Variants in DNAH9 observed in about 807,000 individuals in gnomAD.
DNAH9 encodes DNAH9 variant protein.
Under a neutral mutation model 471.6 loss-of-function variants are expected in DNAH9, and 345 were observed. The ratio of observed to expected loss-of-function variants is 0.73; its 90% CI spans 0.67 to 0.80. The LOEUF is 0.80. DNAH9 is among the 30% of genes least tolerant of loss of function. DNAH9 has a pLI of 0.00. For missense variants in DNAH9, 5,407 were observed against 5,609.2 expected, an observed-to-expected ratio of 0.96 and a Z score of 1.15; for synonymous variants, 2,093 against 2,123.6, an observed-to-expected ratio of 0.99 and a Z score of 0.40.
Position 11,793,677 on chromosome 17 carries a change from C to T in DNAH9, c.8223+13C>T. On this transcript the variant is annotated intron_variant, in intron 42 of 68. Transcript: ENST00000262442. ...GAAAACTTTTGATGTGAGTATTGCC[C>T]TATGGATTTTCTTTGTATTTGAAAA... is the stretch of plus-strand genomic sequence containing the variant. 2 of 1,567,226 alleles carry T rather than the reference C, an allele frequency of 1.3e-6. No individual in the cohort carries two copies. Among genetic ancestry groups the T allele is most frequent in the Non-Finnish European group, 1.7e-6 (2 of 1,158,498 alleles).
chr17:11,689,432 T>C lies in DNAH9; in HGVS notation c.3744-134T>C, dbSNP rs2074295306. On this transcript the variant is annotated intron_variant, in intron 19 of 68. Transcript: ENST00000262442. ...ACATTATTTGCTTTCGTGAAAAGAA[T>C]GTTTTTGGTGAAAGCCACTGCTCTT... is the stretch of plus-strand genomic sequence containing the variant. 11 of 748,326 alleles carry C rather than the reference T, an allele frequency of 1.5e-5. No homozygotes were observed. The South Asian group carries it at 1.8e-4, about 12-fold the overall frequency. The allele number at this position is 748,326 out of a possible 1,614,324, so 46.4% of individuals were successfully genotyped here. A position where few individuals can be genotyped will look rare whatever the true frequency, so the allele number is the denominator to read the frequency against.
intron 9 of DNAH9, among the ~76,000 whole-genome samples, chr17:11,637,896 G>A (rs764898201): frequency 6.6e-6 from 1 of 152,176 alleles, no homozygotes; most frequent in Non-Finnish European, 1.5e-5. Flanking sequence ...CAGGCTTATG[G>A]AAAAGGTAGT....
At chr17:11,850,608 G>T (rs1230772349) in intron 49 of DNAH9, among the ~76,000 whole-genome samples, 3 of 148,998 alleles carry the variant, frequency 2.0e-5, no homozygotes, top group Non-Finnish European at 4.4e-5. Flanking sequence ...CCAAGAACAT[G>T]CCACTGCACT....
intron 29 of DNAH9, 24 bp downstream of exon 29, chr17:11,739,061 C>G: frequency 6.6e-7 from 1 of 1,513,160 alleles, no homozygotes; most frequent in African/African-American, 1.4e-5. Context: ...CTGCCCCATG[C>G]AAAAGCCCCA....
At chr17:11,823,174 A>G (rs965354431) in intron 48 of DNAH9, 140 bp downstream of exon 48, 5 of 732,836 alleles carry the variant, frequency 6.8e-6, no homozygotes, top group Middle Eastern at 4.0e-4. Context: ...ATCAGTATCT[A>G]TTATGTTCTC....
At chr17:11,601,786 T>A (rs994722112) in intron 1 of DNAH9, among the ~76,000 whole-genome samples, 1 of 151,968 alleles carries the variant, frequency 6.6e-6, no homozygotes, top group Non-Finnish European at 1.5e-5. Context: ...GATTACCTGC[T>A]CCCCTTTTCC....
intron 49 of DNAH9, among the ~76,000 whole-genome samples, chr17:11,846,388 C>G (rs1161779400): frequency 6.6e-6 from 1 of 151,240 alleles, no homozygotes; most frequent in Non-Finnish European, 1.5e-5. Flanking sequence ...CAGTACCATG[C>G]TGTTTTGGTT....
At chr17:11,894,327 T>C (rs1973156642) in intron 58 of DNAH9, 47 bp from the exon 59 acceptor site, 3 of 1,604,286 alleles carry the variant, frequency 1.9e-6, no homozygotes, top group Non-Finnish European at 2.6e-6. Context: ...TTTCTAGGAC[T>C]CTGGCTACAA....
In DNAH9 at chr17:11,695,051, C is replaced by T. The variant is rs192713290; in HGVS notation, c.4872+604C>T. On this transcript the variant is annotated intron_variant, in intron 22 of 68. Transcript: ENST00000262442. ...CCACAGGTGCATGCCACCATGCCGACTGATTTTTTTTGTATTTTAGTAGAG... is the reference window on the plus strand; with the variant it reads ...CCACAGGTGCATGCCACCATGCCGATTGATTTTTTTTGTATTTTAGTAGAG... Among the ~76,000 whole-genome samples, 15 of 150,812 alleles carry T rather than the reference C, an allele frequency of 9.9e-5. No individual in the cohort carries two copies. In the East Asian group the frequency reaches 2.6e-3, roughly 26 times the overall value.
At position 11,744,900 on chromosome 17, in the gene DNAH9, G is replaced by T. The variant is rs377657649; in HGVS notation, c.6215G>T (p.Arg2072Leu). The T allele has an allele frequency of 2.5e-6, 4 of 1,614,134 alleles. No homozygotes were observed. In the South Asian group the frequency reaches 4.4e-5, roughly 18 times the overall value. ...PDRPEDQVLM[R>L]SLRDFNIPKI... ...CGGCCTGAGGACCAGGTCCTGATGC[G>T]CTCCTTGCGGGATTTCAACATCCCC... The change falls in exon 31 of 69, where the codon CGC (arginine) becomes CTC (leucine). Residue 2072 changes from arginine to leucine, a missense_variant. By Grantham distance (102) the Arg-to-Leu change is moderately radical. Around this residue, in one of 3 missense-constraint regions of DNAH9, gnomAD observed 4,636 missense variants for 4,900.3 expected, o/e 0.95. Coordinates refer to ENST00000262442, the MANE Select transcript of DNAH9 (RefSeq NM_001372.4).
rs941248867 is a variant in DNAH9, at chr17:11,690,517, G to A, written c.4614+81G>A. The stretch of plus-strand genomic sequence containing the variant: ...GGTCACCCAGTTCCTGCATTGTCTA[G>A]GCTCTTTCCTTTTCTGCCTCCTTGC... On this transcript the variant is annotated intron_variant, in intron 20 of 68. Transcript: ENST00000262442. 6.0e-6 allele frequency: 8 copies of A among 1,324,314 alleles called. No individual in the cohort carries two copies. The African/African-American group carries it at 8.8e-5, about 15-fold the overall frequency. 82.0% of individuals were successfully genotyped at this position (1,324,314 alleles called of 1,614,324 possible).
chr17:11,625,435 T>C lies in DNAH9; in HGVS notation c.1351-3982T>C, dbSNP rs1019930161. ...TCCCTTTTAGCCCGGCTTGAATATG[T>C]GGTCACATAGGAGACCATTGGCCAC... On this transcript the variant is annotated intron_variant, in intron 6 of 68. Transcript: ENST00000262442. Among the ~76,000 whole-genome samples, 13 of 152,218 alleles carry C rather than the reference T, an allele frequency of 8.5e-5. 1 individual carries two copies. Among genetic ancestry groups the C allele is most frequent in the African/African-American group, 2.9e-4 (12 of 41,446 alleles).
intron 67 of DNAH9, among the ~76,000 whole-genome samples, chr17:11,949,207 C>T (rs781679574): frequency 2.0e-5 from 3 of 152,180 alleles, no homozygotes; most frequent in Admixed American, 6.5e-5. Context: ...AGGTCACAGC[C>T]AGATAGCCCT....
rs1567783063 is a variant in DNAH9 at position 11,762,757 on chromosome 17, C to CGTTTTTTTT, written c.6996-682_6996-674dup. ...TGCACCAAAATTGCCTCTTTAGGTGCGTTTTTTTTTTTGTTTTTTTTTTTT... is the reference window on the plus strand; with the variant it reads ...TGCACCAAAATTGCCTCTTTAGGTGCGTTTTTTTTGTTTTTTTTTTTGTTTTTTTTTTTT... On this transcript the variant is annotated intron_variant, in intron 35 of 68. Transcript: ENST00000262442. 2.0e-4 allele frequency among the ~76,000 whole-genome samples: 11 copies of CGTTTTTTTT among 56,006 alleles called. 1 individual carries two copies. In the South Asian group the frequency reaches 5.8e-3, roughly 30 times the overall value. 36.7% of individuals were successfully genotyped at this position (56,006 alleles called of 152,430 possible).
At chr17:11,928,090 C>G (rs1974388548) in intron 62 of DNAH9, among the ~76,000 whole-genome samples, 1 of 140,212 alleles carries the variant, frequency 7.1e-6, no homozygotes. Context: ...TATACAAAAT[C>G]CTTTATTTAT....
chr17:11,676,532 C>T (rs2074053604), intron 17 of DNAH9, among the ~76,000 whole-genome samples: 1 of 152,076 alleles, frequency 6.6e-6, no homozygotes, highest in African/African-American at 2.4e-5. Context: ...ATCCACCTGC[C>T]TTGGCCTCCC....
At chr17:11,644,021 A>G (rs899392850) in intron 10 of DNAH9, among the ~76,000 whole-genome samples, 6 of 152,196 alleles carry the variant, frequency 3.9e-5, no homozygotes, top group African/African-American at 1.4e-4. Flanking sequence ...TGAGTCAGTG[A>G]GTGGGTGGTG....
chr17:11,631,553 G>T lies in DNAH9; in HGVS notation c.1519-1034G>T, dbSNP rs184441998. ...TCAATTACTTGGGAGGCTGAGGCAG[G>T]AGGCTTGAACCCGGGAGGCAGAGGT... is the stretch of plus-strand genomic sequence containing the variant. On this transcript the variant is annotated intron_variant, in intron 7 of 68. Coordinates refer to ENST00000262442, the MANE Select transcript of DNAH9 (RefSeq NM_001372.4). Among the ~76,000 whole-genome samples the T allele has an allele frequency of 2.4e-3, 360 of 151,858 alleles. 2 individuals are homozygous for T. Among genetic ancestry groups the T allele is most frequent in the Non-Finnish European group, 4.2e-3 (288 of 67,954 alleles).
intron 7 of DNAH9, 137 bp downstream of exon 7, chr17:11,629,721 C>T (rs945970916): frequency 8.3e-5 from 57 of 689,292 alleles, no homozygotes; most frequent in Non-Finnish European, 1.3e-4. Context: ...GCTAATTATC[C>T]TTTGTGTTAG....
Sources: gnomAD v4.1 joint callset for allele counts (sites outside exome capture counted in the v4.1 genomes callset) on GRCh38, gnomAD v4.1.1 for gene constraint, gnomAD v4.1.1 regional missense constraint, MANE v1.5 for transcripts, NCBI Gene and HGNC (gene_info 2026-07-23, HGNC 2026-07-21) for gene names.